Variants in TMEM135 observed in about 807,000 individuals in gnomAD.
The protein encoded by TMEM135 is peroxisomal membrane protein 52.
TMEM135 carries 30 observed loss-of-function variants against 60.3 expected under a neutral mutation model. The ratio of observed to expected loss-of-function variants is 0.50; its 90% CI spans 0.37 to 0.68. TMEM135 has a LOEUF of 0.68. Among genes scored for constraint, TMEM135 ranks in the 30% least tolerant of loss-of-function variants. TMEM135 has a pLI of 0.00. For synonymous variants in TMEM135, 190 were observed against 186.7 expected (o/e 1.02, Z -0.14); for missense variants, 468 against 548.8 (o/e 0.85, Z 1.47).
At chr11:87,146,292 G>C (rs907038715) in intron 4 of TMEM135, among the ~76,000 whole-genome samples, 1 of 152,134 alleles carries the variant, frequency 6.6e-6, no homozygotes, top group African/African-American at 2.4e-5. Flanking sequence ...GAGGCAGGAG[G>C]ATTAGTTGAA....
intron 5 of TMEM135, among the ~76,000 whole-genome samples, chr11:87,235,325 T>G (rs1044768233): frequency 1.3e-5 from 2 of 151,656 alleles, no homozygotes; most frequent in Non-Finnish European, 2.9e-5. Flanking sequence ...TATGTGTGTT[T>G]AGCACAGAAA....
At chr11:87,108,868 G>A (rs1482309389) in intron 4 of TMEM135, among the ~76,000 whole-genome samples, 2 of 152,108 alleles carry the variant, frequency 1.3e-5, no homozygotes, top group East Asian at 3.8e-4. Flanking sequence ...TAGGTGATTC[G>A]ATAAGCATAT....
chr11:87,272,051 C>CTTTTTTTTTTTT (rs773654603), intron 6 of TMEM135, among the ~76,000 whole-genome samples: 1 of 81,136 alleles, frequency 1.2e-5, no homozygotes, highest in East Asian at 2.6e-4. Context: ...TTTTTCTTTT[C>CTTTTTTTTTTTT]TTTTTTTTTT....
In TMEM135 at chr11:87,314,502, T is replaced by C. The variant is rs765882466; in HGVS notation, c.1032T>C (p.Tyr344=). ...TGGCAGGTATATCAATGATGTTTTA[T>C]AAAAGCACAACAATTTCCATGTATT... The part of the protein sequence containing the change: ...GFLAGISMMF[Y]KSTTISMYLA... Residue 344 remains tyrosine (Y), a synonymous_variant, in exon 12 of 15, where the codon TAT becomes TAC. Coordinates refer to ENST00000305494, the MANE Select transcript of TMEM135 (RefSeq NM_022918.4). 19 of 1,610,890 alleles carry C rather than the reference T, an allele frequency of 1.2e-5. No homozygotes were observed. The Middle Eastern group carries it at 2.3e-3, about 197-fold the overall frequency.
Position 87,046,127 on chromosome 11 carries a change from C to T in TMEM135, c.141+7941C>T, listed in dbSNP as rs7102379. ...ATTAGATTAACAGTGTAACTCAGGCCGGGCATGGTGGCTCATGCCTGTAAT... is the reference window on the plus strand; with the variant it reads ...ATTAGATTAACAGTGTAACTCAGGCTGGGCATGGTGGCTCATGCCTGTAAT... On this transcript the variant is annotated intron_variant, in intron 1 of 14. Transcript: ENST00000305494. Among the ~76,000 whole-genome samples, 313 of 152,206 alleles carry T rather than the reference C, an allele frequency of 2.1e-3. 5 individuals are homozygous for T. The highest frequency in any genetic ancestry group is 7.0e-3 in the African/African-American group (290 of 41,546).
At chr11:87,138,088 C>CT (rs10671410) in intron 4 of TMEM135, among the ~76,000 whole-genome samples, 126 of 137,876 alleles carry the variant, frequency 9.1e-4, no homozygotes, top group African/African-American at 9.7e-4. Flanking sequence ...AAGTTGATTT[C>CT]TTTTTTTTTT....
At chr11:87,199,026 AAT>A in intron 5 of TMEM135, among the ~76,000 whole-genome samples, 1 of 152,316 alleles carries the variant, frequency 6.6e-6, no homozygotes, top group East Asian at 1.9e-4. Context: ...AGCTTTAGAA[AAT>A]ATTTGTTATA....
rs186578265 is a variant in TMEM135 at position 87,285,727 on chromosome 11, G to A, written c.510-10055G>A. Among the ~76,000 whole-genome samples the A allele has an allele frequency of 2.1e-3, 319 of 152,326 alleles. 1 individual carries two copies. The highest frequency in any genetic ancestry group is 7.1e-3 in the African/African-American group (297 of 41,582). ...AGAACAAAGCTTTCACAGCGTGGAA[G>A]GGGACCCGAGCAGGTTGGCACTGCT... On this transcript the variant is annotated intron_variant, in intron 6 of 14. Coordinates refer to ENST00000305494, the MANE Select transcript of TMEM135 (RefSeq NM_022918.4).
At chr11:87,069,147 G>C (rs1329084658) in intron 2 of TMEM135, among the ~76,000 whole-genome samples, 1 of 151,794 alleles carries the variant, frequency 6.6e-6, no homozygotes, top group South Asian at 2.1e-4. Flanking sequence ...TTAGCCGGGC[G>C]TGGTGGCATG....
chr11:87,113,663 T>G (rs915684583), intron 4 of TMEM135, among the ~76,000 whole-genome samples: 4 of 152,180 alleles, frequency 2.6e-5, no homozygotes, highest in South Asian at 2.1e-4. Context: ...TTCACACTAA[T>G]TAGTGTCCAT....
chr11:87,244,816 A>T (rs1414262904), intron 6 of TMEM135, among the ~76,000 whole-genome samples: 1 of 82,752 alleles, frequency 1.2e-5, no homozygotes, highest in Non-Finnish European at 3.0e-5. Flanking sequence ...TGGATTCATT[A>T]ATTTTTTGAA....
At chr11:87,235,206 C>G (rs1264306533) in intron 5 of TMEM135, among the ~76,000 whole-genome samples, 1 of 151,244 alleles carries the variant, frequency 6.6e-6, no homozygotes, top group African/African-American at 2.4e-5. Context: ...TTTCTAAAAA[C>G]AGTGAAATGG....
chr11:87,170,607 TC>T (rs1939208527), intron 5 of TMEM135, among the ~76,000 whole-genome samples: 1 of 152,152 alleles, frequency 6.6e-6, no homozygotes, highest in Admixed American at 6.5e-5. Context: ...GCATGGGTAT[TC>T]ACCAGCTGAG....
chr11:87,153,011 C>T (rs1049831318), intron 4 of TMEM135, among the ~76,000 whole-genome samples: 1 of 152,100 alleles, frequency 6.6e-6, no homozygotes, highest in African/African-American at 2.4e-5. Context: ...CTCCAGTTCT[C>T]CACCTCTTGT....
At chr11:87,285,035 T>A (rs1942138223) in intron 6 of TMEM135, among the ~76,000 whole-genome samples, 2 of 152,252 alleles carry the variant, frequency 1.3e-5, no homozygotes, top group African/African-American at 4.8e-5. Flanking sequence ...TATTGGAATA[T>A]ACTTATGTGA....
At chr11:87,242,266 G>C (rs1434136033) in intron 6 of TMEM135, among the ~76,000 whole-genome samples, 1 of 151,832 alleles carries the variant, frequency 6.6e-6, no homozygotes, top group Non-Finnish European at 1.5e-5. Context: ...GGACATTTGG[G>C]TTGGTTCTAA....
intron 5 of TMEM135, among the ~76,000 whole-genome samples, chr11:87,208,958 C>T (rs1940299748): frequency 6.6e-6 from 1 of 152,102 alleles, no homozygotes; most frequent in African/African-American, 2.4e-5. Flanking sequence ...CATATCCCTC[C>T]AATCTAAGCT....
At chr11:87,285,082 T>C (rs1401587601) in intron 6 of TMEM135, among the ~76,000 whole-genome samples, 1 of 152,130 alleles carries the variant, frequency 6.6e-6, no homozygotes, top group Non-Finnish European at 1.5e-5. Flanking sequence ...AAAACAAAAA[T>C]AAAAGTCTGA....
At chr11:87,249,135 A>G (rs1313598586) in intron 6 of TMEM135, among the ~76,000 whole-genome samples, 1 of 152,164 alleles carries the variant, frequency 6.6e-6, no homozygotes. Context: ...ACGTTGAATA[A>G]CAGTCATGAA....
Sources: allele counts gnomAD v4.1 joint callset (sites outside exome capture counted in the v4.1 genomes callset), GRCh38; gene constraint gnomAD v4.1.1; transcripts MANE v1.5; gene names NCBI Gene and HGNC (gene_info 2026-07-23, HGNC 2026-07-21).